Variants in ABCA2 observed in about 807,000 individuals in gnomAD.
ABCA2 encodes the protein ATP-binding cassette sub-family A member 2.
A neutral mutation model predicts 262.8 loss-of-function variants in ABCA2; 84 were observed. The observed-to-expected ratio is 0.32, with a 90% CI of 0.27 to 0.38. ABCA2 has a LOEUF of 0.38. Among genes scored for constraint, ABCA2 ranks in the 10% least tolerant of loss-of-function variants. ABCA2 has a pLI of 1.00. For missense variants in ABCA2, 2,662 were observed against 3,405.9 expected, an observed-to-expected ratio of 0.78 and a Z score of 5.44; for synonymous variants, 1,696 against 1,502.9, an observed-to-expected ratio of 1.13 and a Z score of -2.97.
In ABCA2 at chr9:137,011,717, G is replaced by A; in HGVS notation, c.5568C>T (p.Val1856=). The change falls in exon 36 of 49, where the codon GTC becomes GTT. Residue 1856 remains valine (V), a synonymous_variant. Transcript: ENST00000341511. This position sits in a 1 kb window ranked among gnomAD's most constrained non-coding sequence, Gnocchi z 8.8. ...GCAGGTCGAACACAAACAGGATGAT[G>A]ACACAGCAGGTAGCGGGGACCAGGT... ...LNYLVPATCC[V]IILFVFDLPA... The A allele has an allele frequency of 1.3e-6, 2 of 1,553,154 alleles. No homozygotes were observed. Among genetic ancestry groups the A allele is most frequent in the Non-Finnish European group, 1.7e-6 (2 of 1,148,918 alleles).
intron 13 of ABCA2, 22 bp downstream of exon 13, chr9:137,018,692 TGGGGC>T: frequency 1.1e-6 from 1 of 886,944 alleles, no homozygotes; most frequent in Non-Finnish European, 1.4e-6. Flanking sequence ...TGTGGGGGGC[TGGGGC>T]GGGGCGGGGA....
rs533434851 is a variant in ABCA2 at position 137,008,339 on chromosome 9, C to T, written c.7275+77G>A. On this transcript the variant is annotated intron_variant, in intron 48 of 48. Transcript: ENST00000341511. ...CCTGGGGCCAGTTCTCCCCCGACCC[C>T]ACCCGCGGCTGGAGCCACCAGGCAG... is the stretch of plus-strand genomic sequence containing the variant. 2.9e-5 allele frequency: 43 copies of T among 1,507,840 alleles called. 1 individual carries two copies. The highest frequency in any genetic ancestry group is 3.4e-4 in the Middle Eastern group (2 of 5,926). The allele number at this position is 1,507,840 out of a possible 1,614,324, so 93.4% of individuals were successfully genotyped here.
intron 1 of ABCA2, 117 bp from the exon 2 acceptor site, chr9:137,024,353 AAGGTGG>A: frequency 2.3e-6 from 2 of 855,546 alleles, no homozygotes; most frequent in Non-Finnish European, 3.6e-6. Flanking sequence ...GGGGCCAGGG[AAGGTGG>A]GCACAGGCCC....
Position 137,009,754 on chromosome 9 carries a change from C to A in ABCA2, c.6630+15G>T, listed in dbSNP as rs1830966436. 2.5e-6 allele frequency: 4 copies of A among 1,607,850 alleles called. No individual in the cohort carries two copies. Among genetic ancestry groups the A allele is most frequent in the African/African-American group, 2.7e-5 (2 of 74,838 alleles). ...CAAAGGCCAGGCAGCCACCCCCCAC[C>A]CACCCAGGACTTACCAGGAAGATGA... On this transcript the variant is annotated intron_variant, in intron 43 of 48. Transcript: ENST00000341511.
chr9:137,018,264 G>GTT lies in ABCA2; in HGVS notation c.1905_1906dup (p.Thr636LysfsTer32), dbSNP rs1831330935. 6.2e-7 allele frequency: 1 copy of GTT among 1,610,894 alleles called. No individual in the cohort carries two copies. Among genetic ancestry groups the GTT allele is most frequent in the Admixed American group, 1.7e-5 (1 of 59,868 alleles). Reference sequence around the variant, plus strand: ...CCAGTAGGCGCGGCGGATCTCGTTGGTTTTCTCGGTGAAGCTGGAGTTCTG... The same window carrying GTT: ...CCAGTAGGCGCGGCGGATCTCGTTGGTTTTTTCTCGGTGAAGCTGGAGTTCTG... On this transcript the variant is annotated frameshift_variant, in exon 14 of 49. Transcript: ENST00000341511. LOFTEE classifies it high-confidence loss of function.
Position 137,010,239 on chromosome 9 carries a change from C to T in ABCA2, c.6307G>A (p.Gly2103Ser), listed in dbSNP as rs770884667. 4.4e-6 allele frequency: 7 copies of T among 1,604,268 alleles called. No individual in the cohort carries two copies. The highest frequency in any genetic ancestry group is 1.1e-5 in the South Asian group (1 of 89,658). Reference sequence around the variant, plus strand: ...TCGCCCCCCGTCGTGCTCTCGTCGCCGGTCAGCATCTTGAAGGTGCTGGTC... The same window carrying T: ...TCGCCCCCCGTCGTGCTCTCGTCGCTGGTCAGCATCTTGAAGGTGCTGGTC... The part of the protein sequence containing the change: ...GKTSTFKMLT[G>S]DESTTGGEAF... The change falls in exon 41 of 49, where the codon GGC becomes AGC. Residue 2103 changes from glycine to serine, a missense_variant. Gly to Ser is a moderately conservative substitution (Grantham distance 56). Coordinates refer to ENST00000341511, the MANE Select transcript of ABCA2 (RefSeq NM_001606.5).
At position 137,012,563 on chromosome 9, in the gene ABCA2, G is replaced by C; in HGVS notation, c.5109C>G (p.Val1703=). 3 of 1,611,940 alleles carry C rather than the reference G, an allele frequency of 1.9e-6. No homozygotes were observed. The highest frequency in any genetic ancestry group is 2.5e-6 in the Non-Finnish European group (3 of 1,179,928). Residue 1703 remains valine (V), a synonymous_variant, in exon 32 of 49, where the codon GTC becomes GTG. Transcript: ENST00000341511. ...HRYGAITFGN[V]LKSIPASFGT... is the part of the protein sequence containing the mutation. ...CAAATGAGGCTGGGATGGACTTCAG[G>C]ACGTTTCCAAAGGTGATGGCCCCAT...
Position 137,011,383 on chromosome 9 carries a change from CCCA to C in ABCA2, c.5799+21_5799+23del. On this transcript the variant is annotated intron_variant, in intron 37 of 48. Coordinates refer to ENST00000341511, the MANE Select transcript of ABCA2 (RefSeq NM_001606.5). This position sits in a 1 kb window ranked among gnomAD's most constrained non-coding sequence, Gnocchi z 8.8. ...CACAGCCTCCGCAGGGTCCGCCACC[CCCA>C]CCATGTCGTCACCGCCCCACCTTGT... is the stretch of plus-strand genomic sequence containing the variant. 19 of 1,608,460 alleles carry C rather than the reference CCCA, an allele frequency of 1.2e-5. No individual in the cohort carries two copies. The highest frequency in any genetic ancestry group is 1.5e-5 in the Non-Finnish European group (18 of 1,177,746).
At position 137,007,998 on chromosome 9, in the gene ABCA2, C is replaced by T. The variant is rs778951862; in HGVS notation, c.7276-34G>A. On this transcript the variant is annotated intron_variant, in intron 48 of 48. Coordinates refer to ENST00000341511, the MANE Select transcript of ABCA2 (RefSeq NM_001606.5). Reference sequence around the variant, plus strand: ...AGGGGAGGTCAGGCTTATGGGGCATCCTGTGCCACCCCCTGCTGGGGCTGA... The same window carrying T: ...AGGGGAGGTCAGGCTTATGGGGCATTCTGTGCCACCCCCTGCTGGGGCTGA... 2.1e-5 allele frequency: 33 copies of T among 1,592,116 alleles called. 1 individual carries two copies. In the South Asian group the frequency reaches 3.6e-4, roughly 18 times the overall value.
In ABCA2 at chr9:137,021,719, G is replaced by A; in HGVS notation, c.679-109C>T. 1 of 1,310,658 alleles carries A rather than the reference G, an allele frequency of 7.6e-7. No individual in the cohort carries two copies. Among genetic ancestry groups the A allele is most frequent in the Non-Finnish European group, 1.1e-6 (1 of 950,586 alleles). 81.2% of individuals were successfully genotyped at this position (1,310,658 alleles called of 1,614,324 possible). On this transcript the variant is annotated intron_variant, in intron 7 of 48. Transcript: ENST00000341511. This position sits in a 1 kb window ranked among gnomAD's most constrained non-coding sequence, Gnocchi z 6.0. Reference sequence around the variant, plus strand: ...CCACTGGCTGGCTCTGGGGCTGCCTGGGTCCCACGACATGCCTCTACCCCT... The same window carrying A: ...CCACTGGCTGGCTCTGGGGCTGCCTAGGTCCCACGACATGCCTCTACCCCT...
In ABCA2 at chr9:137,021,664, A is replaced by T; in HGVS notation, c.679-54T>A. 2 of 1,515,424 alleles carry T rather than the reference A, an allele frequency of 1.3e-6. No homozygotes were observed. Among genetic ancestry groups the T allele is most frequent in the Non-Finnish European group, 1.8e-6 (2 of 1,125,792 alleles). 93.9% of individuals were successfully genotyped at this position (1,515,424 alleles called of 1,614,324 possible). ...CACGGCAAGGACTTTGTCCCCAACC[A>T]CTAGGGCCTCAGGCCTCACCCTGCC... is the stretch of plus-strand genomic sequence containing the variant. On this transcript the variant is annotated intron_variant, in intron 7 of 48. Transcript: ENST00000341511. This position sits in a 1 kb window ranked among gnomAD's most constrained non-coding sequence, Gnocchi z 6.0.
chr9:137,014,772 G>A lies in ABCA2; in HGVS notation c.3921C>T (p.Ser1307=). ...ERSLDALHLS[S]FGLMDTTLEE... Reference sequence around the variant, plus strand: ...CCAGGGTCGTGTCCATCAGCCCGAAGCTGCTGAGGTGCAGTGCATCCAGGC... The same window carrying A: ...CCAGGGTCGTGTCCATCAGCCCGAAACTGCTGAGGTGCAGTGCATCCAGGC... Residue 1307 remains serine (S), a synonymous_variant, in exon 26 of 49, where the codon AGC becomes AGT. Coordinates refer to ENST00000341511, the MANE Select transcript of ABCA2 (RefSeq NM_001606.5). The A allele has an allele frequency of 6.2e-7, 1 of 1,601,070 alleles. No homozygotes were observed.
chr9:137,014,709 C>T lies in ABCA2; in HGVS notation c.3984G>A (p.Ser1328=), dbSNP rs760848419. 1.0e-4 allele frequency: 166 copies of T among 1,606,260 alleles called. 1 individual carries two copies. The Middle Eastern group carries it at 2.5e-3, about 24-fold the overall frequency. Reference sequence around the variant, plus strand: ...CCTCACCGGCCTCACTGTTCTCCAGCGACTGATCCTCCTCCGACACCTTGA... The same window carrying T: ...CCTCACCGGCCTCACTGTTCTCCAGTGACTGATCCTCCTCCGACACCTTGA... The part of the protein sequence containing the change: ...VFLKVSEEDQ[S]LENSEADVKE... The change falls in exon 26 of 49, where the codon TCG becomes TCA. Residue 1328 remains serine, a synonymous_variant. Transcript: ENST00000341511.
At position 137,009,350 on chromosome 9, in the gene ABCA2, C is replaced by T. The variant is rs551506176; in HGVS notation, c.6827+20G>A. 869 of 1,565,810 alleles carry T rather than the reference C, an allele frequency of 5.5e-4. 5 individuals are homozygous for T. In the South Asian group the frequency reaches 7.9e-3, roughly 14 times the overall value. ...CCCCCGGGCCCGCCCCAGCCCACCC[C>T]TGGCCCTGCCCCGGCTCACCGGTTC... On this transcript the variant is annotated intron_variant, in intron 45 of 48. Transcript: ENST00000341511.
chr9:137,007,837 G>A lies in ABCA2; in HGVS notation c.*92C>T. 1 of 1,538,278 alleles carries A rather than the reference G, an allele frequency of 6.5e-7. No homozygotes were observed. Among genetic ancestry groups the A allele is most frequent in the Non-Finnish European group, 8.8e-7 (1 of 1,136,434 alleles). ...TGAACCTCCACTCCAGGCCCTGGCA[G>A]GCACTGGGGGACTTCTGTCCCCATT... On this transcript the variant is annotated 3_prime_UTR_variant, in exon 49 of 49. Coordinates refer to ENST00000341511, the MANE Select transcript of ABCA2 (RefSeq NM_001606.5).
rs754507796 is a variant in ABCA2 at position 137,008,836 on chromosome 9, G to A, written c.6963C>T (p.Leu2321=). ...GGGCCAGCGAGATGTGCTCCGACTT[G>A]AGCTGGTACTGCACCTTTGTGTGGT... The part of the protein sequence containing the change: ...ERHHTKVQYQ[L]KSEHISLAQV... The change falls in exon 47 of 49, where the codon CTC becomes CTT. Residue 2321 remains leucine, a synonymous_variant. Coordinates refer to ENST00000341511, the MANE Select transcript of ABCA2 (RefSeq NM_001606.5). 2 of 1,605,388 alleles carry A rather than the reference G, an allele frequency of 1.2e-6. No homozygotes were observed. The highest frequency in any genetic ancestry group is 1.3e-5 in the African/African-American group (1 of 74,990).
Position 137,018,937 on chromosome 9 carries a change from T to C in ABCA2, c.1688A>G (p.Asn563Ser), listed in dbSNP as rs765333068. ...GAACTGGATCCAGCCGCAGGCCGCG[T>C]TGTCAATGGTATCCAGCTGCTGCAG... ...ALLQQLDTIDNAACGWIQFMS... is the reference protein window; with the variant it reads ...ALLQQLDTIDSAACGWIQFMS... Residue 563 changes from asparagine to serine, a missense_variant, in exon 12 of 49, where the codon AAC becomes AGC. Physicochemically the swap from Asn to Ser is conservative, Grantham distance 46. Transcript: ENST00000341511. 15 of 1,612,584 alleles carry C rather than the reference T, an allele frequency of 9.3e-6. No homozygotes were observed. The highest frequency in any genetic ancestry group is 6.7e-5 in the Admixed American group (4 of 59,990).
Position 137,011,194 on chromosome 9 carries a change from G to A in ABCA2, c.5915C>T (p.Ala1972Val). 5.0e-6 allele frequency: 8 copies of A among 1,612,570 alleles called. No homozygotes were observed. Among genetic ancestry groups the A allele is most frequent in the Non-Finnish European group, 6.8e-6 (8 of 1,179,854 alleles). ...CCCACGGGCCCCCTCACCAATCTTG[G>A]CGTAGTACTCGTTGATGTACTCGTT... Reference protein sequence around the residue: ...AYNEYINEYYAKIGQFDKMKS... With the variant: ...AYNEYINEYYVKIGQFDKMKS... Residue 1972 changes from alanine to valine, a missense_variant, in exon 38 of 49, where the codon GCC (alanine) becomes GTC (valine). By Grantham distance (64) the Ala-to-Val change is moderately conservative. This residue lies in a region of ABCA2 where 602 missense variants were observed against 897.4 expected (regional missense o/e 0.67). Coordinates refer to ENST00000341511, the MANE Select transcript of ABCA2 (RefSeq NM_001606.5). This position sits in a 1 kb window ranked among gnomAD's most constrained non-coding sequence, Gnocchi z 8.8.
chr9:137,028,582 G>T (rs937662949), upstream of ABCA2: 22 of 846,062 alleles, frequency 2.6e-5, no homozygotes, highest in African/African-American at 3.8e-5. This position sits in a 1 kb window ranked among gnomAD's most constrained non-coding sequence, Gnocchi z 6.9. Context: ...CCGCGCTGGC[G>T]ACTCTGCAGA....
Sources: gnomAD v4.1 joint callset for allele counts on GRCh38, gnomAD v4.1.1 for gene constraint, gnomAD v4.1.1 regional missense constraint, Gnocchi (gnomAD v3.1) non-coding constraint, MANE v1.5 for transcripts, NCBI Gene and HGNC (gene_info 2026-07-23, HGNC 2026-07-21) for gene names.